Variants in ZDHHC15 observed in about 807,000 individuals in gnomAD.
The protein encoded by ZDHHC15 is zDHHC palmitoyltransferase 15, also known as palmitoyltransferase ZDHHC15.
A neutral mutation model predicts 31.7 loss-of-function variants in ZDHHC15; 19 were observed. That is an observed-to-expected ratio of 0.60 (90% CI 0.42 to 0.88). ZDHHC15 has a LOEUF of 0.88. Among genes scored for constraint, ZDHHC15 ranks in the 40% least tolerant of loss-of-function variants. ZDHHC15 has a pLI of 0.00. For missense variants in ZDHHC15, 209 were observed against 251.2 expected (o/e 0.83, Z 1.14); for synonymous variants, 103 against 90.0 (o/e 1.14, Z -0.82).
chrX:75,471,663 G>A (rs758375627), intron 3 of ZDHHC15, among the ~76,000 whole-genome samples: 3 of 112,003 alleles, frequency 2.7e-5, no homozygotes, highest in South Asian at 3.8e-4. Context: ...TCGAGTGACC[G>A]AAAAGGCTGC....
chrX:75,450,912 G>C lies in ZDHHC15; in HGVS notation c.269C>G (p.Ser90Cys), dbSNP rs140245521. The C allele has an allele frequency of 3.3e-5, 40 of 1,206,656 alleles. No homozygotes were observed. The highest frequency in any genetic ancestry group is 2.0e-4 in the Admixed American group (9 of 45,335). ...TTCATAGCGCTCCTTGTCTGTGTAGGACAAGTGGAACTGGAAGCAGGAGTG... is the reference window on the plus strand; with the variant it reads ...TTCATAGCGCTCCTTGTCTGTGTAGCACAAGTGGAACTGGAAGCAGGAGTG... ...PQQPNQKFHL[S>C]YTDKERYENE... Residue 90 changes from serine to cysteine, a missense_variant, in exon 4 of 12, where the codon TCC becomes TGC. Physicochemically the swap from Ser to Cys is moderately radical, Grantham distance 112 (BLOSUM62 -1). Coordinates refer to ENST00000373367, the MANE Select transcript of ZDHHC15 (RefSeq NM_144969.3).
intron 3 of ZDHHC15, among the ~76,000 whole-genome samples, chrX:75,461,217 AAGAC>A (rs1257728589): frequency 8.9e-6 from 1 of 112,109 alleles, no homozygotes; most frequent in African/African-American, 3.2e-5. Flanking sequence ...TTTCTGAAAT[AAGAC>A]AGACAAGAAT....
At chrX:75,392,127 T>A (rs1319344437) in intron 10 of ZDHHC15, among the ~76,000 whole-genome samples, 2 of 112,101 alleles carry the variant, frequency 1.8e-5, no homozygotes, top group African/African-American at 3.2e-5. Flanking sequence ...TATAGGGGAA[T>A]TTATTAAGCA....
At chrX:75,522,010 T>C (rs1163850671) in intron 1 of ZDHHC15, among the ~76,000 whole-genome samples, 1 of 111,202 alleles carries the variant, frequency 9.0e-6, no homozygotes, top group Non-Finnish European at 1.9e-5. Context: ...TATCATCATG[T>C]GACAATAGCA....
intron 10 of ZDHHC15, among the ~76,000 whole-genome samples, chrX:75,414,372 T>C (rs2147826488): frequency 9.1e-6 from 1 of 109,727 alleles, no homozygotes; most frequent in East Asian, 2.9e-4. Flanking sequence ...TTTATGTAGT[T>C]CCTGACTGTG....
intron 3 of ZDHHC15, among the ~76,000 whole-genome samples, chrX:75,455,131 C>T (rs1014444105): frequency 1.3e-4 from 14 of 111,822 alleles, no homozygotes; most frequent in Non-Finnish European, 2.6e-4. Context: ...TACAAGGCTA[C>T]AGCAACCAAA....
intron 10 of ZDHHC15, among the ~76,000 whole-genome samples, chrX:75,410,269 A>T (rs1015420398): frequency 8.9e-6 from 1 of 111,792 alleles, no homozygotes; most frequent in African/African-American, 3.3e-5. Context: ...CAAAGTGAAG[A>T]GACAACCCAT....
chrX:75,492,694 C>T lies in ZDHHC15; in HGVS notation c.163+13127G>A, dbSNP rs1172788295. ...TCCTGAATGACTACTGGGTACATAACAAAATGAAGGCAGAAATAAAGATGT... is the reference window on the plus strand; with the variant it reads ...TCCTGAATGACTACTGGGTACATAATAAAATGAAGGCAGAAATAAAGATGT... On this transcript the variant is annotated intron_variant, in intron 2 of 11. Coordinates refer to ENST00000373367, the MANE Select transcript of ZDHHC15 (RefSeq NM_144969.3). Among the ~76,000 whole-genome samples the T allele has an allele frequency of 3.6e-5, 4 of 111,454 alleles. No individual in the cohort carries two copies. The East Asian group carries it at 1.1e-3, about 31-fold the overall frequency.
chrX:75,381,152 T>A (rs73488460), intron 10 of ZDHHC15, among the ~76,000 whole-genome samples: 1,958 of 111,729 alleles, frequency 0.018, 53 homozygotes, highest in African/African-American at 0.06. Context: ...ATTCATAGTA[T>A]TTTTGGGATA....
chrX:75,478,077 C>T (rs778997589), intron 3 of ZDHHC15, among the ~76,000 whole-genome samples: 24 of 111,431 alleles, frequency 2.2e-4, no homozygotes, highest in African/African-American at 7.2e-4. Flanking sequence ...GGAACCTACC[C>T]TAATTTAGAG....
rs2083002637 is a variant in ZDHHC15 at position 75,371,118 on chromosome X, T to C, written c.*1860A>G. ...ATTACTTTGAGGCCTACTTGCTGTG[T>C]AGTAAGTAAAGGCCATACATGTAGA... On this transcript the variant is annotated 3_prime_UTR_variant, in exon 12 of 12. Coordinates refer to ENST00000373367, the MANE Select transcript of ZDHHC15 (RefSeq NM_144969.3). The C allele has an allele frequency of 9.0e-6, 1 of 111,544 alleles. No individual in the cohort carries two copies. The highest frequency in any genetic ancestry group is 3.3e-5 in the African/African-American group (1 of 30,674). The allele number at this position is 111,544 out of a possible 1,213,427, so 9.2% of individuals were successfully genotyped here.
chrX:75,491,769 C>G (rs1008175969), intron 2 of ZDHHC15, among the ~76,000 whole-genome samples: 1 of 110,770 alleles, frequency 9.0e-6, no homozygotes, highest in Non-Finnish European at 1.9e-5. Flanking sequence ...CCAGGCCTGC[C>G]CTAAAAGAGC....
At chrX:75,489,852 G>C (rs1469131582) in intron 2 of ZDHHC15, among the ~76,000 whole-genome samples, 1 of 111,591 alleles carries the variant, frequency 9.0e-6, no homozygotes, top group Non-Finnish European at 1.9e-5. Context: ...AAACAAATTA[G>C]AGGAAAGGCT....
intron 2 of ZDHHC15, among the ~76,000 whole-genome samples, chrX:75,483,674 A>C: frequency 8.9e-6 from 1 of 112,434 alleles, no homozygotes; most frequent in East Asian, 2.8e-4. Flanking sequence ...GGGGATAAGA[A>C]AGTACACAGG....
intron 10 of ZDHHC15, among the ~76,000 whole-genome samples, chrX:75,385,662 C>T (rs977434467): frequency 6.3e-5 from 7 of 111,063 alleles, no homozygotes; most frequent in Non-Finnish European, 7.5e-5. Context: ...CTTCATGTCC[C>T]CCTCACTTAG....
intron 2 of ZDHHC15, among the ~76,000 whole-genome samples, chrX:75,487,620 G>C (rs2084798933): frequency 9.0e-6 from 1 of 111,507 alleles, no homozygotes; most frequent in South Asian, 3.8e-4. Context: ...GACAAAACAG[G>C]GTTCTATAAT....
At chrX:75,490,847 C>T (rs2084874602) in intron 2 of ZDHHC15, among the ~76,000 whole-genome samples, 1 of 111,723 alleles carries the variant, frequency 9.0e-6, no homozygotes, top group Non-Finnish European at 1.9e-5. Flanking sequence ...ATTTTGTATC[C>T]TGAGGCTTTG....
intron 10 of ZDHHC15, among the ~76,000 whole-genome samples, chrX:75,411,137 T>C (rs1003253307): frequency 8.9e-6 from 1 of 111,786 alleles, no homozygotes; most frequent in African/African-American, 3.2e-5. Context: ...GGTGTAAGTA[T>C]ACAATTCGAT....
In ZDHHC15 at chrX:75,440,544, G is replaced by T. The variant is rs181626340; in HGVS notation, c.380-9024C>A. Among the ~76,000 whole-genome samples the T allele has an allele frequency of 2.0e-3, 225 of 112,806 alleles. 3 individuals carry two copies. The highest frequency in any genetic ancestry group is 0.017 in the Admixed American group (178 of 10,718). ...TCTGCCTGCCCCGGCCTCCCGAAGT[G>T]CTGGGATTACAGGCGTGAGCCACCG... On this transcript the variant is annotated intron_variant, in intron 4 of 11. Transcript: ENST00000373367.
Sources: allele counts gnomAD v4.1 joint callset (sites outside exome capture counted in the v4.1 genomes callset), GRCh38; gene constraint gnomAD v4.1.1; transcripts MANE v1.5; gene names NCBI Gene and HGNC (gene_info 2026-07-23, HGNC 2026-07-21).